The following WDPCP variants were observed in gnomAD, a reference collection of about 807,000 sequenced individuals.
WDPCP encodes WD repeat containing planar cell polarity effector, also known as WD repeat-containing and planar cell polarity effector protein fritz homolog.
In WDPCP, 71 loss-of-function variants were observed where a neutral mutation model predicts 93.1. The ratio of observed to expected loss-of-function variants is 0.76; its 90% CI spans 0.63 to 0.93. The LOEUF (loss-of-function observed/expected upper bound fraction) is 0.93, where lower values mean the gene tolerates loss of function less well. WDPCP is among the 40% of genes least tolerant of loss of function. WDPCP has a pLI of 0.00. For synonymous variants in WDPCP, 315 were observed against 315.0 expected, an observed-to-expected ratio of 1.00 and a Z score of 0.00; for missense variants, 844 against 887.4, an observed-to-expected ratio of 0.95 and a Z score of 0.62.
chr2:63,162,131 G>T (rs1026663868), intron 15 of WDPCP, among the ~76,000 whole-genome samples: 1 of 152,034 alleles, frequency 6.6e-6, no homozygotes, highest in Non-Finnish European at 1.5e-5. Context: ...AGTGGGGAAT[G>T]GGTCTACTTT....
intron 13 of WDPCP, among the ~76,000 whole-genome samples, chr2:63,298,697 G>A (rs968391861): frequency 1.3e-5 from 2 of 152,042 alleles, no homozygotes; most frequent in African/African-American, 4.8e-5. Flanking sequence ...TGGGACTTGG[G>A]CTGAGCCATT....
chr2:63,578,481 T>C (rs1340259612), intron 1 of WDPCP, among the ~76,000 whole-genome samples: 4 of 152,168 alleles, frequency 2.6e-5, no homozygotes, highest in Non-Finnish European at 5.9e-5. Flanking sequence ...CCACAAGATA[T>C]TCCATGAAAA....
intron 6 of WDPCP, among the ~76,000 whole-genome samples, chr2:63,452,143 A>G (rs1698292170): frequency 6.6e-6 from 1 of 152,220 alleles, no homozygotes; most frequent in African/African-American, 2.4e-5. Context: ...GAAAAGAGGA[A>G]GTCAAATTGT....
At chr2:63,731,746 T>C (rs1281901949) in intron 2 of WDPCP, among the ~76,000 whole-genome samples, 1 of 152,218 alleles carries the variant, frequency 6.6e-6, no homozygotes, top group Non-Finnish European at 1.5e-5. Flanking sequence ...CAAATATGAA[T>C]GCAATCTGAT....
At chr2:63,305,218 G>C (rs1685637264) in intron 13 of WDPCP, among the ~76,000 whole-genome samples, 2 of 152,088 alleles carry the variant, frequency 1.3e-5, no homozygotes, top group Non-Finnish European at 2.9e-5. Context: ...GAGAGCAGTG[G>C]ATCTCCCAGC....
Position 63,790,396 on chromosome 2 carries a change from AC to A in WDPCP, n.308+23225del, listed in dbSNP as rs796448649. On this transcript the variant is annotated intron_variant and non_coding_transcript_variant, in intron 2 of 4. Transcript: ENST00000467687. Reference sequence around the variant, plus strand: ...ACCAATAACAGAGTCAGTACCAGCCACAGGGAAGCAAGGCAGAAACTCCGTT... The same window carrying A: ...ACCAATAACAGAGTCAGTACCAGCCAAGGGAAGCAAGGCAGAAACTCCGTT... Among the ~76,000 whole-genome samples, 69 of 152,354 alleles carry A rather than the reference AC, an allele frequency of 4.5e-4. 1 individual carries two copies. Among genetic ancestry groups the A allele is most frequent in the African/African-American group, 1.6e-3 (66 of 41,582 alleles).
chr2:63,390,650 G>A lies in WDPCP; in HGVS notation c.1436-8556C>T, dbSNP rs531488776. ...AAAAGATCAACAAAACTGATAGACC[G>A]CTAGCAAGACTAATAAAGAAGAGAG... On this transcript the variant is annotated intron_variant, in intron 10 of 17. Coordinates refer to ENST00000272321, the MANE Select transcript of WDPCP (RefSeq NM_015910.7). Among the ~76,000 whole-genome samples, 43 of 152,196 alleles carry A rather than the reference G, an allele frequency of 2.8e-4. 2 individuals carry two copies. In the South Asian group the frequency reaches 5.6e-3, roughly 20 times the overall value.
intron 1 of WDPCP, among the ~76,000 whole-genome samples, chr2:63,539,820 A>G (rs951993869): frequency 4.6e-5 from 7 of 152,260 alleles, no homozygotes; most frequent in Admixed American, 4.6e-4. Context: ...CAATAATTCT[A>G]TTAAGTATTG....
intron 1 of WDPCP, among the ~76,000 whole-genome samples, chr2:63,821,468 G>C (rs1178984334): frequency 1.3e-5 from 2 of 152,206 alleles, no homozygotes; most frequent in Admixed American, 6.5e-5. Context: ...GAGGAGGGTA[G>C]AGTTAGGTGA....
chr2:63,759,317 G>A (rs1170765808), intron 2 of WDPCP, among the ~76,000 whole-genome samples: 2 of 152,186 alleles, frequency 1.3e-5, no homozygotes, highest in African/African-American at 4.8e-5. Flanking sequence ...ATCGGCCTCT[G>A]TATGGAGGCA....
chr2:63,544,809 A>G (rs781074671), intron 1 of WDPCP, among the ~76,000 whole-genome samples: 2 of 152,190 alleles, frequency 1.3e-5, no homozygotes, highest in Non-Finnish European at 2.9e-5. Flanking sequence ...GTTGAGCAAT[A>G]ACTTTTTTAA....
intron 15 of WDPCP, among the ~76,000 whole-genome samples, chr2:63,162,459 A>G (rs777854379): frequency 2.6e-5 from 4 of 152,088 alleles, no homozygotes; most frequent in Non-Finnish European, 5.9e-5. Flanking sequence ...AGTTGTTTTG[A>G]AATATGTTTG....
chr2:63,788,304 C>T (rs1280744045), intron 2 of WDPCP, among the ~76,000 whole-genome samples: 3 of 152,070 alleles, frequency 2.0e-5, no homozygotes, highest in Non-Finnish European at 4.4e-5. Flanking sequence ...GGGTATGACT[C>T]GCAGGGCATT....
intron 2 of WDPCP, among the ~76,000 whole-genome samples, chr2:63,693,439 TTAGATAGA>T (rs55755279): frequency 0.03 from 4,350 of 145,512 alleles, 94 homozygotes; most frequent in South Asian, 0.065. Context: ...GATATAGATA[TTAGATAGA>T]TAGATAGATA....
intron 17 of WDPCP, among the ~76,000 whole-genome samples, chr2:63,138,067 T>C (rs1321766349): frequency 1.9e-4 from 21 of 107,760 alleles, no homozygotes; most frequent in Non-Finnish European, 1.9e-4. Flanking sequence ...AGGTTCCATA[T>C]GATTTTTTTT....
chr2:63,678,157 A>T (rs901938892), intron 2 of WDPCP, among the ~76,000 whole-genome samples: 1 of 152,140 alleles, frequency 6.6e-6, no homozygotes, highest in Non-Finnish European at 1.5e-5. Context: ...GTAATCAAGG[A>T]CTCAGCCTTT....
chr2:63,715,849 T>C (rs1162571720), intron 2 of WDPCP, among the ~76,000 whole-genome samples: 1 of 152,186 alleles, frequency 6.6e-6, no homozygotes, highest in Non-Finnish European at 1.5e-5. Flanking sequence ...CTTAAGGTTT[T>C]GGGACCTAGA....
At chr2:63,491,987 G>C (rs565129125) in intron 2 of WDPCP, among the ~76,000 whole-genome samples, 3 of 151,958 alleles carry the variant, frequency 2.0e-5, no homozygotes, top group Non-Finnish European at 2.9e-5. Flanking sequence ...TTCCTTTATT[G>C]GCATCTTAGA....
At chr2:63,429,822 A>G (rs1187924356) in intron 9 of WDPCP, among the ~76,000 whole-genome samples, 1 of 152,156 alleles carries the variant, frequency 6.6e-6, no homozygotes, top group Non-Finnish European at 1.5e-5. Context: ...CGACCTAGCC[A>G]TCCTATTACT....
Sources: gnomAD v4.1 joint callset for allele counts (sites outside exome capture counted in the v4.1 genomes callset) on GRCh38, gnomAD v4.1.1 for gene constraint, MANE v1.5 for transcripts, NCBI Gene and HGNC (gene_info 2026-07-23, HGNC 2026-07-21) for gene names.